The following HDAC9 variants were observed in gnomAD, a reference collection of about 807,000 sequenced individuals.
The protein encoded by HDAC9 is histone deacetylase 9.
Under a neutral mutation model 139.4 loss-of-function variants are expected in HDAC9, and 41 were observed. That is an observed-to-expected ratio of 0.29 (90% CI 0.23 to 0.38). The LOEUF (loss-of-function observed/expected upper bound fraction) is 0.38, where lower values mean the gene tolerates loss of function less well. HDAC9 is among the 10% of genes least tolerant of loss of function. HDAC9 has a pLI of 1.00. For missense variants in HDAC9, 1,147 were observed against 1,297.0 expected, an observed-to-expected ratio of 0.88 and a Z score of 1.78; for synonymous variants, 517 against 476.2, an observed-to-expected ratio of 1.09 and a Z score of -1.12.
At chr7:18,426,712 T>C (rs1790148867) in intron 1 of HDAC9, among the ~76,000 whole-genome samples, 2 of 152,210 alleles carry the variant, frequency 1.3e-5, no homozygotes, top group Non-Finnish European at 2.9e-5. Context: ...TTTTATACTT[T>C]ATGAATCTGC....
chr7:18,964,391 C>T (rs764729106), intron 24 of HDAC9, among the ~76,000 whole-genome samples: 21 of 151,972 alleles, frequency 1.4e-4, no homozygotes, highest in Non-Finnish European at 2.2e-4. Context: ...GAATGCAGTA[C>T]GTTCATTTTA....
chr7:18,138,152 T>C (rs1264221714), intron 1 of HDAC9, among the ~76,000 whole-genome samples: 1 of 152,198 alleles, frequency 6.6e-6, no homozygotes, highest in Non-Finnish European at 1.5e-5. Flanking sequence ...GGTGATGATA[T>C]CCCCTTTATC....
chr7:18,406,480 G>A (rs979224496), intron 1 of HDAC9, among the ~76,000 whole-genome samples: 13 of 151,844 alleles, frequency 8.6e-5, no homozygotes, highest in Admixed American at 6.6e-4. Context: ...TGCAAGCTCC[G>A]CCTCCCGGGT....
chr7:18,231,068 G>A (rs1793428008), intron 2 of HDAC9, among the ~76,000 whole-genome samples: 2 of 152,188 alleles, frequency 1.3e-5, no homozygotes, highest in African/African-American at 2.4e-5. Flanking sequence ...AGCTTAGAGC[G>A]AGGGAACTGC....
intron 1 of HDAC9, among the ~76,000 whole-genome samples, chr7:18,352,488 G>T (rs1001476927): frequency 1.3e-5 from 2 of 152,046 alleles, no homozygotes. Flanking sequence ...AAAGGTAATT[G>T]CCAGGGAGTC....
chr7:18,270,808 A>G (rs1310817284), intron 2 of HDAC9, among the ~76,000 whole-genome samples: 4 of 152,190 alleles, frequency 2.6e-5, no homozygotes, highest in East Asian at 1.9e-4. Flanking sequence ...AATAAAACCA[A>G]TAGAAAACCA....
intron 14 of HDAC9, among the ~76,000 whole-genome samples, chr7:18,759,939 AAATTT>A (rs1789234537): frequency 6.6e-6 from 1 of 152,330 alleles, no homozygotes; most frequent in East Asian, 1.9e-4. Flanking sequence ...CCGGAAGTAA[AAATTT>A]AATTTATAGA....
chr7:18,902,630 G>A (rs117374369), intron 22 of HDAC9, among the ~76,000 whole-genome samples: 9,385 of 152,108 alleles, frequency 0.062, 498 homozygotes, highest in South Asian at 0.28. Context: ...AAGGGCAGGG[G>A]GAAATGATTG....
At chr7:18,412,733 G>C (rs1788689878) in intron 1 of HDAC9, among the ~76,000 whole-genome samples, 1 of 152,024 alleles carries the variant, frequency 6.6e-6, no homozygotes, top group South Asian at 2.1e-4. Context: ...CATGCAACAG[G>C]GACTCATATC....
intron 6 of HDAC9, among the ~76,000 whole-genome samples, chr7:18,624,992 A>G (rs1306469378): frequency 6.6e-6 from 1 of 152,006 alleles, no homozygotes; most frequent in Non-Finnish European, 1.5e-5. Flanking sequence ...ACATAAATCT[A>G]TGTTGTGCTT....
intron 14 of HDAC9, among the ~76,000 whole-genome samples, chr7:18,749,736 AGTC>A (rs913797611): frequency 1.3e-5 from 2 of 152,180 alleles, no homozygotes; most frequent in Non-Finnish European, 2.9e-5. Flanking sequence ...TAAAAACAAC[AGTC>A]ATATCAATTC....
rs192333425 is a variant in HDAC9 at position 18,829,608 on chromosome 7, G to C, written c.2466+60G>C. ...ATTCTAGATAAAGGGGAGTGGATTT[G>C]TATTTCTCTGTTAGGTTGTCTTGCT... On this transcript the variant is annotated intron_variant, in intron 19 of 25. Transcript: ENST00000686413. The C allele has an allele frequency of 5.7e-6, 6 of 1,059,354 alleles. No homozygotes were observed. The East Asian group carries it at 1.4e-4, about 25-fold the overall frequency. The allele number at this position is 1,059,354 out of a possible 1,614,324, so 65.6% of individuals were successfully genotyped here. A position where few individuals can be genotyped will look rare whatever the true frequency, so the allele number is the denominator to read the frequency against.
Position 19,000,487 on chromosome 7 carries a change from A to C in HDAC9, c.*4425A>C. 6.6e-6 allele frequency: 1 copy of C among 152,230 alleles called. No individual in the cohort carries two copies. 9.4% of individuals were successfully genotyped at this position (152,230 alleles called of 1,614,324 possible). A position where few individuals can be genotyped will look rare whatever the true frequency, so the allele number is the denominator to read the frequency against. On this transcript the variant is annotated 3_prime_UTR_variant, in exon 26 of 26. Transcript: ENST00000686413. Reference sequence around the variant, plus strand: ...CTCACACATGCTATACTCATACTACATAACTTAGTTTCTCCAAATCAACTG... The same window carrying C: ...CTCACACATGCTATACTCATACTACCTAACTTAGTTTCTCCAAATCAACTG...
At chr7:18,257,118 ATGTGTGTG>A (rs150400645) in intron 2 of HDAC9, among the ~76,000 whole-genome samples, 4 of 95,194 alleles carry the variant, frequency 4.2e-5, no homozygotes, top group Admixed American at 1.3e-4. Context: ...GTGTGCATGT[ATGTGTGTG>A]TGTGTGTGTG....
At chr7:18,810,026 C>G (rs899086403) in intron 17 of HDAC9, among the ~76,000 whole-genome samples, 23 of 151,904 alleles carry the variant, frequency 1.5e-4, no homozygotes, top group Admixed American at 2.6e-4. Context: ...ACAATGGAAT[C>G]TTATTCAGCC....
chr7:18,737,827 T>C (rs759487886), intron 13 of HDAC9, among the ~76,000 whole-genome samples: 14 of 152,198 alleles, frequency 9.2e-5, no homozygotes, highest in Non-Finnish European at 1.9e-4. Flanking sequence ...TAACCTTCTA[T>C]CTCATTCATC....
In HDAC9 at chr7:18,795,789, A is replaced by G. The variant is rs930715710; in HGVS notation, c.2322+2337A>G. On this transcript the variant is annotated intron_variant, in intron 17 of 25. Coordinates refer to ENST00000686413, the MANE Select transcript of HDAC9 (RefSeq NM_178425.4). ...CTGAGGTAGACAGCCATGTTTGTGG[A>G]CCGCTATTCAACAACCACAAAAACT... Among the ~76,000 whole-genome samples, 4 of 152,152 alleles carry G rather than the reference A, an allele frequency of 2.6e-5. No homozygotes were observed. In the South Asian group the frequency reaches 8.3e-4, roughly 32 times the overall value.
intron 21 of HDAC9, among the ~76,000 whole-genome samples, chr7:18,874,122 C>G (rs1799136849): frequency 6.6e-6 from 1 of 151,778 alleles, no homozygotes; most frequent in African/African-American, 2.4e-5. Context: ...TGACTTTCCT[C>G]TGTAAAACAT....
intron 6 of HDAC9, among the ~76,000 whole-genome samples, chr7:18,621,686 G>A (rs1439350461): frequency 1.3e-5 from 2 of 151,978 alleles, no homozygotes; most frequent in Non-Finnish European, 2.9e-5. Flanking sequence ...TAGAAATTTT[G>A]CTCCTTAGTG....
Sources: gnomAD v4.1 joint callset for allele counts (sites outside exome capture counted in the v4.1 genomes callset) on GRCh38, gnomAD v4.1.1 for gene constraint, MANE v1.5 for transcripts, NCBI Gene and HGNC (gene_info 2026-07-23, HGNC 2026-07-21) for gene names.